MORN5: variants seen among roughly 807,000 people sequenced by gnomAD.
MORN5 encodes MORN repeat containing 5.
MORN5 carries 21 observed loss-of-function variants against 22.1 expected under a neutral mutation model. The ratio of observed to expected loss-of-function variants is 0.95; its 90% CI spans 0.67 to 1.37. MORN5 has a LOEUF of 1.37. Ranked by LOEUF, MORN5 falls within the 40% of genes most tolerant of loss-of-function variation. The probability of loss-of-function intolerance (pLI) is 0.00; values close to 1 mark genes in which losing one functional copy is unlikely to be tolerated. For missense variants in MORN5, 211 were observed against 215.1 expected (o/e 0.98, Z 0.12); for synonymous variants, 73 against 74.0 (o/e 0.99, Z 0.07).
intron 4 of MORN5, among the ~76,000 whole-genome samples, chr9:122,186,327 A>G (rs1392666625): frequency 6.6e-6 from 1 of 152,220 alleles, no homozygotes; most frequent in African/African-American, 2.4e-5. Context: ...GTATGAACCC[A>G]GGTCCCTCTG....
chr9:122,159,990 C>A lies in MORN5; in HGVS notation c.18C>A (p.Ser6Arg), dbSNP rs757011970. The A allele has an allele frequency of 3.1e-6, 5 of 1,613,880 alleles. No individual in the cohort carries two copies. Among genetic ancestry groups the A allele is most frequent in the Admixed American group, 1.7e-5 (1 of 59,996 alleles). MEYTG[S>R]KYIGEYVDGR... ...CAGGCGCCATGGAGTACACAGGGAG[C>A]AAATATATCGGGGAATATGTAGATG... The change falls in exon 1 of 5, where the codon AGC (serine) becomes AGA (arginine). Residue 6 changes from serine (S) to arginine (R), a missense_variant. Coordinates refer to ENST00000373764, the MANE Select transcript of MORN5 (RefSeq NM_198469.4).
intron 4 of MORN5, among the ~76,000 whole-genome samples, chr9:122,182,816 A>C (rs1406748549): frequency 2.0e-5 from 3 of 152,228 alleles, no homozygotes. Context: ...GGTAATTTGC[A>C]TGAGACACAG....
At chr9:122,176,698 G>A (rs1829456840) in intron 4 of MORN5, among the ~76,000 whole-genome samples, 1 of 152,084 alleles carries the variant, frequency 6.6e-6, no homozygotes, top group Admixed American at 6.5e-5. Context: ...CCAACATAGT[G>A]AAACCCCATC....
intron 3 of MORN5, among the ~76,000 whole-genome samples, chr9:122,171,186 A>G (rs369834714): frequency 1.3e-5 from 2 of 152,188 alleles, no homozygotes; most frequent in Non-Finnish European, 2.9e-5. Flanking sequence ...TCTCTATAGC[A>G]GGATGAGCCT....
intron 4 of MORN5, among the ~76,000 whole-genome samples, chr9:122,191,382 C>T (rs1359422350): frequency 6.6e-6 from 1 of 152,240 alleles, no homozygotes; most frequent in African/African-American, 2.4e-5. Flanking sequence ...GCCAGACACA[C>T]TGAGCCCTTC....
intron 4 of MORN5, among the ~76,000 whole-genome samples, chr9:122,187,010 C>T (rs1204374215): frequency 6.6e-6 from 1 of 152,246 alleles, no homozygotes; most frequent in African/African-American, 2.4e-5. Flanking sequence ...AGGCCCTTAA[C>T]TTCTCTGAGC....
At chr9:122,187,828 G>T (rs189117105) in intron 4 of MORN5, among the ~76,000 whole-genome samples, 2 of 152,334 alleles carry the variant, frequency 1.3e-5, no homozygotes, top group Admixed American at 1.3e-4. Context: ...CATTCACAGT[G>T]TGCTACACAC....
intron 4 of MORN5, among the ~76,000 whole-genome samples, chr9:122,194,651 T>A (rs1194979904): frequency 2.6e-5 from 4 of 152,044 alleles, no homozygotes; most frequent in African/African-American, 9.7e-5. Flanking sequence ...GTATGCTGGG[T>A]CTAGTGGTCA....
chr9:122,160,000 G>A lies in MORN5; in HGVS notation c.28G>A (p.Gly10Arg). ...GGAGTACACAGGGAGCAAATATATCGGGGAATATGTAGATGGGAGGTAAGG... is the reference window on the plus strand; with the variant it reads ...GGAGTACACAGGGAGCAAATATATCAGGGAATATGTAGATGGGAGGTAAGG... MEYTGSKYI[G>R]EYVDGRMEGK... Residue 10 changes from glycine (G) to arginine (R), a missense_variant, in exon 1 of 5, where the codon GGG becomes AGG. By Grantham distance (125) the Gly-to-Arg change is moderately radical (BLOSUM62 -2). Coordinates refer to ENST00000373764, the MANE Select transcript of MORN5 (RefSeq NM_198469.4). The A allele has an allele frequency of 6.2e-7, 1 of 1,613,972 alleles. No individual in the cohort carries two copies. Among genetic ancestry groups the A allele is most frequent in the African/African-American group, 1.3e-5 (1 of 75,032 alleles).
intron 4 of MORN5, among the ~76,000 whole-genome samples, chr9:122,185,782 A>G (rs1829620143): frequency 6.6e-6 from 1 of 152,116 alleles, no homozygotes; most frequent in Non-Finnish European, 1.5e-5. Flanking sequence ...CCAACCCCAC[A>G]CAGACTGTCT....
intron 2 of MORN5, among the ~76,000 whole-genome samples, chr9:122,169,417 C>T (rs1213109003): frequency 2.6e-5 from 4 of 152,190 alleles, no homozygotes; most frequent in African/African-American, 9.7e-5. Context: ...GAGAGTGGGT[C>T]GTCTGCCCAA....
intron 4 of MORN5, among the ~76,000 whole-genome samples, chr9:122,178,057 G>T (rs914200739): frequency 1.3e-5 from 2 of 152,170 alleles, no homozygotes; most frequent in Non-Finnish European, 2.9e-5. Flanking sequence ...GAAAAAATTA[G>T]TTAATAAAAA....
intron 4 of MORN5, among the ~76,000 whole-genome samples, chr9:122,195,585 A>G (rs1374471999): frequency 1.3e-5 from 2 of 152,026 alleles, no homozygotes; most frequent in African/African-American, 4.8e-5. Flanking sequence ...GTTTGGGAGG[A>G]AGATCACAGA....
intron 4 of MORN5, among the ~76,000 whole-genome samples, chr9:122,193,996 G>A (rs1829833947): frequency 6.6e-6 from 1 of 152,210 alleles, no homozygotes; most frequent in Non-Finnish European, 1.5e-5. Context: ...GGTCAGATTT[G>A]GGGTGTCTCT....
intron 4 of MORN5, chr9:122,175,384 G>T: frequency 1.2e-6 from 1 of 841,670 alleles, no homozygotes; most frequent in Non-Finnish European, 1.4e-6. Flanking sequence ...CCTCAGTTTG[G>T]TGAGTCAACA....
Position 122,166,926 on chromosome 9 carries a change from G to A in MORN5, c.195+11G>A. The A allele has an allele frequency of 3.1e-6, 5 of 1,611,194 alleles. No individual in the cohort carries two copies. Among genetic ancestry groups the A allele is most frequent in the Non-Finnish European group, 4.2e-6 (5 of 1,178,552 alleles). On this transcript the variant is annotated intron_variant, in intron 2 of 4. Coordinates refer to ENST00000373764, the MANE Select transcript of MORN5 (RefSeq NM_198469.4). ...GGATTGGCCATAAAGGTGATCAGCT[G>A]GGGGGACGGATGCTGTGGAGGAGAG...
intron 3 of MORN5, among the ~76,000 whole-genome samples, chr9:122,171,452 C>T (rs1186849498): frequency 5.3e-5 from 8 of 152,108 alleles, no homozygotes; most frequent in East Asian, 3.9e-4. Flanking sequence ...TTGAGGTTCC[C>T]GGGGCTCTCT....
chr9:122,184,866 A>C (rs1174911068), intron 4 of MORN5, among the ~76,000 whole-genome samples: 1 of 152,226 alleles, frequency 6.6e-6, no homozygotes, highest in African/African-American at 2.4e-5. Context: ...AGACAATGTT[A>C]GAGCTGACTT....
intron 4 of MORN5, among the ~76,000 whole-genome samples, chr9:122,187,350 C>G (rs1160237208): frequency 6.6e-6 from 1 of 152,240 alleles, no homozygotes; most frequent in African/African-American, 2.4e-5. Flanking sequence ...TTTCTGATCT[C>G]TCTACCCAGC....
Sources: allele counts gnomAD v4.1 joint callset (sites outside exome capture counted in the v4.1 genomes callset), GRCh38; gene constraint gnomAD v4.1.1; transcripts MANE v1.5; gene names NCBI Gene and HGNC (gene_info 2026-07-23, HGNC 2026-07-21).